Variants in OPCML observed in about 807,000 individuals in gnomAD.
OPCML encodes opioid binding protein/cell adhesion molecule like.
Under a neutral mutation model 37.8 loss-of-function variants are expected in OPCML, and 13 were observed. That is an observed-to-expected ratio of 0.34 (90% CI 0.22 to 0.55). The LOEUF (loss-of-function observed/expected upper bound fraction) is 0.55. OPCML is among the 20% of genes least tolerant of loss of function. The probability of loss-of-function intolerance (pLI) is 0.91; values close to 1 mark genes in which losing one functional copy is unlikely to be tolerated. For missense variants in OPCML, 341 were observed against 435.6 expected (o/e 0.78, Z 1.93); for synonymous variants, 176 against 168.8 (o/e 1.04, Z -0.33).
intron 3 of OPCML, among the ~76,000 whole-genome samples, chr11:132,617,879 A>T (rs1332043008): frequency 1.3e-5 from 2 of 152,218 alleles, no homozygotes; most frequent in Non-Finnish European, 2.9e-5. Flanking sequence ...ACCTCTTCAA[A>T]GACCCTGTCT....
chr11:132,487,678 C>A (rs1214089691), intron 4 of OPCML, among the ~76,000 whole-genome samples: 3 of 152,124 alleles, frequency 2.0e-5, no homozygotes, highest in African/African-American at 7.2e-5. Context: ...GAAATATTCC[C>A]TGATCTTATT....
chr11:132,694,568 G>C (rs1033999084), intron 2 of OPCML, among the ~76,000 whole-genome samples: 3 of 152,168 alleles, frequency 2.0e-5, no homozygotes, highest in Non-Finnish European at 4.4e-5. Context: ...CAGTAAAGAA[G>C]ATATAAAAAA....
intron 1 of OPCML, among the ~76,000 whole-genome samples, chr11:133,522,281 G>C (rs188161139): frequency 1.4e-4 from 22 of 152,326 alleles, no homozygotes; most frequent in African/African-American, 5.3e-4. Flanking sequence ...TGTTTTGATA[G>C]TGTAGTGATG....
rs145271705 is a variant in OPCML at position 133,337,305 on chromosome 11, T to C, written c.61+194959A>G. 3.6e-4 allele frequency among the ~76,000 whole-genome samples: 55 copies of C among 152,286 alleles called. No individual in the cohort carries two copies. The Middle Eastern group carries it at 0.01, about 28-fold the overall frequency. ...GACAGAGACTCCCTTAGTCTCTAAA[T>C]ACTACCACCCACTGGCCCACTCACC... On this transcript the variant is annotated intron_variant, in intron 1 of 7. Coordinates refer to ENST00000524381, the MANE Select transcript of OPCML (RefSeq NM_001012393.5).
chr11:132,610,320 C>A (rs1342835741), intron 3 of OPCML, among the ~76,000 whole-genome samples: 1 of 152,154 alleles, frequency 6.6e-6, no homozygotes, highest in Admixed American at 6.6e-5. Flanking sequence ...ACACAAACTC[C>A]TATAATATAA....
chr11:133,291,015 T>A (rs1434985494), intron 1 of OPCML, among the ~76,000 whole-genome samples: 1 of 152,248 alleles, frequency 6.6e-6, no homozygotes, highest in Non-Finnish European at 1.5e-5. Context: ...CAGGGATTTC[T>A]GGGAAAGAAT....
intron 1 of OPCML, among the ~76,000 whole-genome samples, chr11:133,312,581 A>G (rs1943089866): frequency 6.6e-6 from 1 of 152,216 alleles, no homozygotes; most frequent in Non-Finnish European, 1.5e-5. Context: ...CAAAGACAGA[A>G]TAGCCCCATA....
At chr11:133,050,516 G>A (rs1948110010) in intron 1 of OPCML, among the ~76,000 whole-genome samples, 1 of 152,114 alleles carries the variant, frequency 6.6e-6, no homozygotes, top group Non-Finnish European at 1.5e-5. Context: ...CTGATGAAAT[G>A]AGCCAATTTA....
chr11:132,474,794 G>A (rs897734600), intron 4 of OPCML, among the ~76,000 whole-genome samples: 1 of 152,146 alleles, frequency 6.6e-6, no homozygotes, highest in Admixed American at 6.5e-5. Flanking sequence ...ACACATATCT[G>A]GTTCCTGTGG....
chr11:132,715,122 C>T (rs1944421959), intron 2 of OPCML, among the ~76,000 whole-genome samples: 1 of 152,170 alleles, frequency 6.6e-6, no homozygotes, highest in Admixed American at 6.5e-5. Context: ...GCTCCTCACT[C>T]TTATTTGACC....
At chr11:132,629,199 CCT>C (rs1380533735) in intron 3 of OPCML, among the ~76,000 whole-genome samples, 7 of 152,086 alleles carry the variant, frequency 4.6e-5, no homozygotes, top group Admixed American at 2.0e-4. Flanking sequence ...ACGCTGTGCC[CCT>C]GTTTCCAAGA....
At chr11:133,462,196 A>G (rs2136987374) in intron 1 of OPCML, among the ~76,000 whole-genome samples, 1 of 152,154 alleles carries the variant, frequency 6.6e-6, no homozygotes, top group South Asian at 2.1e-4. Context: ...TCAACTCAGT[A>G]TGGACCAAAG....
chr11:133,253,021 C>T (rs968890671), intron 1 of OPCML, among the ~76,000 whole-genome samples: 1 of 151,694 alleles, frequency 6.6e-6, no homozygotes, highest in South Asian at 2.1e-4. Context: ...TGGTGGGCAC[C>T]GGTAATCCCA....
chr11:133,215,217 T>A lies in OPCML; in HGVS notation c.62-272207A>T, dbSNP rs78490555. 2.0e-4 allele frequency among the ~76,000 whole-genome samples: 30 copies of A among 150,920 alleles called. No homozygotes were observed. The East Asian group carries it at 4.5e-3, about 23-fold the overall frequency. Reference sequence around the variant, plus strand: ...GAGAGAGAGAGAGAGTGTGTGTGTGTGAGAGAGAGAGAGAGAGAGGAAGGC... The same window carrying A: ...GAGAGAGAGAGAGAGTGTGTGTGTGAGAGAGAGAGAGAGAGAGAGGAAGGC... On this transcript the variant is annotated intron_variant, in intron 1 of 7. Transcript: ENST00000524381.
At chr11:132,818,892 T>C (rs1174280948) in intron 2 of OPCML, among the ~76,000 whole-genome samples, 3 of 149,402 alleles carry the variant, frequency 2.0e-5, no homozygotes, top group Admixed American at 1.3e-4. Context: ...CAAACCTGCA[T>C]GTTGTGCACA....
chr11:132,599,366 G>GAGGAGGAAGAAGGAGGAAGA (rs202098010), intron 3 of OPCML, among the ~76,000 whole-genome samples: 9 of 128,494 alleles, frequency 7.0e-5, no homozygotes, highest in African/African-American at 1.7e-4. Flanking sequence ...GGAGAAGGAG[G>GAGGAGGAAGAAGGAGGAAGA]AGGAGGAAGA....
At chr11:132,876,470 A>C (rs1328213499) in intron 2 of OPCML, among the ~76,000 whole-genome samples, 1 of 152,176 alleles carries the variant, frequency 6.6e-6, no homozygotes, top group Admixed American at 6.5e-5. Context: ...AATGGCCACC[A>C]GAGGCAATGG....
In OPCML at chr11:133,155,874, C is replaced by G. The variant is rs918315430; in HGVS notation, c.62-212864G>C. Among the ~76,000 whole-genome samples, 4 of 152,264 alleles carry G rather than the reference C, an allele frequency of 2.6e-5. No individual in the cohort carries two copies. In the East Asian group the frequency reaches 7.7e-4, roughly 29 times the overall value. On this transcript the variant is annotated intron_variant, in intron 1 of 7. Transcript: ENST00000524381. ...GGACCATCCCTGCTCACCTCTTCCT[C>G]TCACCACCCATATCCAAACTATTAA...
In OPCML at chr11:132,819,793, T is replaced by C. The variant is rs1939864859; in HGVS notation, c.146+123133A>G. On this transcript the variant is annotated intron_variant, in intron 2 of 7. Coordinates refer to ENST00000524381, the MANE Select transcript of OPCML (RefSeq NM_001012393.5). ...TACAACAAGAGACATCATCAGTAAGTCACTTTAAGTATACTTTTCTCCAGA... is the reference window on the plus strand; with the variant it reads ...TACAACAAGAGACATCATCAGTAAGCCACTTTAAGTATACTTTTCTCCAGA... Among the ~76,000 whole-genome samples, 6 of 152,192 alleles carry C rather than the reference T, an allele frequency of 3.9e-5. No individual in the cohort carries two copies. The South Asian group carries it at 1.2e-3, about 32-fold the overall frequency.
Sources: allele counts gnomAD v4.1 joint callset (sites outside exome capture counted in the v4.1 genomes callset), GRCh38; gene constraint gnomAD v4.1.1; transcripts MANE v1.5; gene names NCBI Gene and HGNC (gene_info 2026-07-23, HGNC 2026-07-21).